The following ZNF407 variants were observed in gnomAD, a reference collection of about 807,000 sequenced individuals.
ZNF407 encodes the protein zinc finger protein 407.
A neutral mutation model predicts 131.2 loss-of-function variants in ZNF407; 17 were observed. The observed-to-expected ratio is 0.13, with a 90% CI of 0.09 to 0.19. ZNF407 has a LOEUF of 0.19. Among genes scored for constraint, ZNF407 ranks in the 10% least tolerant of loss-of-function variants. ZNF407 has a pLI of 1.00. For synonymous variants in ZNF407, 1,156 were observed against 1,062.0 expected (o/e 1.09, Z -1.72); for missense variants, 2,681 against 2,830.6 (o/e 0.95, Z 1.20).
chr18:74,715,838 G>C (rs538052415), intron 3 of ZNF407, among the ~76,000 whole-genome samples: 9 of 152,240 alleles, frequency 5.9e-5, no homozygotes, highest in African/African-American at 1.7e-4. Context: ...TTTTGACCTG[G>C]AGAAGGCTGT....
chr18:74,647,298 G>A (rs1018902203), intron 3 of ZNF407, among the ~76,000 whole-genome samples: 7 of 152,034 alleles, frequency 4.6e-5, no homozygotes, highest in Non-Finnish European at 1.0e-4. Context: ...AAAATAATTA[G>A]CTGTGTGTGG....
intron 8 of ZNF407, among the ~76,000 whole-genome samples, chr18:74,991,637 C>T (rs1972719954): frequency 6.6e-6 from 1 of 152,118 alleles, no homozygotes; most frequent in Non-Finnish European, 1.5e-5. Context: ...AAAATTTATT[C>T]TTACCTTAAT....
chr18:74,737,040 A>T lies in ZNF407; in HGVS notation c.4803-44388A>T, dbSNP rs575797578. Among the ~76,000 whole-genome samples, 44 of 152,344 alleles carry T rather than the reference A, an allele frequency of 2.9e-4. No homozygotes were observed. In the South Asian group the frequency reaches 8.9e-3, roughly 31 times the overall value. ...CTTTTAAAAGCCATTCCTGCTAGTA[A>T]AACTAGGTCGAAATGAAAAAGTAGA... On this transcript the variant is annotated intron_variant, in intron 3 of 8. Transcript: ENST00000299687.
At chr18:74,643,900 A>G (rs1568143000) in intron 3 of ZNF407, among the ~76,000 whole-genome samples, 1 of 151,952 alleles carries the variant, frequency 6.6e-6, no homozygotes, top group East Asian at 1.9e-4. Flanking sequence ...AGATACCATT[A>G]CCCCCTTTTG....
At chr18:74,655,836 C>G (rs1599044964) in intron 3 of ZNF407, among the ~76,000 whole-genome samples, 1 of 152,050 alleles carries the variant, frequency 6.6e-6, no homozygotes, top group East Asian at 1.9e-4. Flanking sequence ...TTTTATTTTA[C>G]AAATGAAAAC....
intron 3 of ZNF407, among the ~76,000 whole-genome samples, chr18:74,678,882 A>G (rs966156443): frequency 6.6e-6 from 1 of 152,150 alleles, no homozygotes; most frequent in South Asian, 2.1e-4. Flanking sequence ...TAAATATTAT[A>G]TGTATTTACA....
At chr18:74,793,231 G>A (rs1969858510) in intron 4 of ZNF407, among the ~76,000 whole-genome samples, 1 of 152,192 alleles carries the variant, frequency 6.6e-6, no homozygotes, top group African/African-American at 2.4e-5. Flanking sequence ...TGGAGTTGGT[G>A]TAGATAAATA....
At chr18:74,979,045 C>G (rs1006659267) in intron 8 of ZNF407, among the ~76,000 whole-genome samples, 2 of 152,064 alleles carry the variant, frequency 1.3e-5, no homozygotes, top group Non-Finnish European at 2.9e-5. Flanking sequence ...GGGACGACTT[C>G]GCGGGCAGCA....
At chr18:74,866,481 A>G (rs1004494029) in intron 4 of ZNF407, among the ~76,000 whole-genome samples, 5 of 152,204 alleles carry the variant, frequency 3.3e-5, no homozygotes, top group Non-Finnish European at 7.3e-5. Flanking sequence ...AACTGCAGCA[A>G]ATCACACACA....
intron 8 of ZNF407, among the ~76,000 whole-genome samples, chr18:74,952,964 T>C (rs1356895909): frequency 1.3e-5 from 2 of 152,182 alleles, no homozygotes; most frequent in East Asian, 3.9e-4. Flanking sequence ...GAATGGAATA[T>C]GGTCATTTGG....
intron 8 of ZNF407, among the ~76,000 whole-genome samples, chr18:74,993,750 CTG>C (rs1972746085): frequency 6.6e-6 from 1 of 152,222 alleles, no homozygotes; most frequent in African/African-American, 2.4e-5. Context: ...CGTCAGAAAA[CTG>C]TATTTAGGGC....
At chr18:74,803,109 A>G (rs1050062740) in intron 4 of ZNF407, among the ~76,000 whole-genome samples, 3 of 152,116 alleles carry the variant, frequency 2.0e-5, no homozygotes, top group Non-Finnish European at 4.4e-5. Flanking sequence ...GTCCAGCGTT[A>G]CCACCCCCTT....
At chr18:74,812,691 C>G (rs374996465) in intron 4 of ZNF407, among the ~76,000 whole-genome samples, 162 of 152,278 alleles carry the variant, frequency 1.1e-3, no homozygotes, top group African/African-American at 3.6e-3. Flanking sequence ...TGTACTACCT[C>G]TGCCTCACCC....
At position 74,875,657 on chromosome 18, in the gene ZNF407, T is replaced by C. The variant is rs1024047305; in HGVS notation, c.4878-1540T>C. Among the ~76,000 whole-genome samples the C allele has an allele frequency of 4.5e-4, 68 of 151,580 alleles. 1 individual carries two copies. Among genetic ancestry groups the C allele is most frequent in the African/African-American group, 1.6e-3 (65 of 41,352 alleles). On this transcript the variant is annotated intron_variant, in intron 4 of 8. Coordinates refer to ENST00000299687, the MANE Select transcript of ZNF407 (RefSeq NM_017757.3). Reference sequence around the variant, plus strand: ...CCGTCAAAGAGATATACGGACGTGATTTTTTTTTACAGTGCATATCCAAGT... The same window carrying C: ...CCGTCAAAGAGATATACGGACGTGACTTTTTTTTACAGTGCATATCCAAGT...
intron 4 of ZNF407, among the ~76,000 whole-genome samples, chr18:74,815,524 C>T (rs1051176826): frequency 1.3e-5 from 2 of 152,132 alleles, no homozygotes; most frequent in Non-Finnish European, 2.9e-5. Context: ...GCTTATCCCT[C>T]TGTTTATGTC....
intron 3 of ZNF407, among the ~76,000 whole-genome samples, chr18:74,747,627 T>G (rs959280629): frequency 1.3e-5 from 2 of 152,142 alleles, no homozygotes; most frequent in African/African-American, 2.4e-5. Flanking sequence ...TATGTCATCT[T>G]TGAATATTAC....
chr18:74,863,531 A>G (rs761089124), intron 4 of ZNF407, among the ~76,000 whole-genome samples: 3 of 151,886 alleles, frequency 2.0e-5, no homozygotes, highest in Admixed American at 6.6e-5. Flanking sequence ...TTTTGTCCTT[A>G]TCTTTTGGTT....
intron 3 of ZNF407, among the ~76,000 whole-genome samples, chr18:74,661,396 A>AT (rs1985708569): frequency 6.7e-6 from 1 of 148,222 alleles, no homozygotes; most frequent in Non-Finnish European, 1.5e-5. Flanking sequence ...ATATATATAT[A>AT]ATATATTTAT....
chr18:74,997,866 T>A (rs1972797614), intron 8 of ZNF407, among the ~76,000 whole-genome samples: 1 of 152,250 alleles, frequency 6.6e-6, no homozygotes, highest in Admixed American at 6.5e-5. Context: ...TACTAGCCAT[T>A]TCTTGAAGAC....
Sources: gnomAD v4.1 joint callset for allele counts (sites outside exome capture counted in the v4.1 genomes callset) on GRCh38, gnomAD v4.1.1 for gene constraint, MANE v1.5 for transcripts, NCBI Gene and HGNC (gene_info 2026-07-23, HGNC 2026-07-21) for gene names.